The following ZKSCAN7 variants were observed in gnomAD, a reference collection of about 807,000 sequenced individuals.
ZKSCAN7 encodes zinc finger with KRAB and SCAN domains 7.
Under a neutral mutation model 65.3 loss-of-function variants are expected in ZKSCAN7, and 38 were observed. That is an observed-to-expected ratio of 0.58 (90% CI 0.45 to 0.76). The LOEUF (loss-of-function observed/expected upper bound fraction) is 0.76. Ranked by LOEUF, ZKSCAN7 falls within the 30% of genes least tolerant of loss-of-function variation. The pLI, the probability that ZKSCAN7 is intolerant of heterozygous loss-of-function variation, is 0.00. For missense variants in ZKSCAN7, 815 were observed against 913.3 expected (o/e 0.89, Z 1.39); for synonymous variants, 321 against 321.0 (o/e 1.00, Z 0.00).
At chr3:44,579,354 C>G (rs540569833) in intron 5 of ZKSCAN7, among the ~76,000 whole-genome samples, 5 of 152,322 alleles carry the variant, frequency 3.3e-5, no homozygotes, top group African/African-American at 1.2e-4. Flanking sequence ...CCCACACCGC[C>G]CACCCGCTCC....
At chr3:44,579,913 G>A in intron 5 of ZKSCAN7, 1 of 1,606,772 alleles carries the variant, frequency 6.2e-7, no homozygotes, top group Non-Finnish European at 8.5e-7. Context: ...TGGACCTCCT[G>A]TCCAGTGACT....
Position 44,570,488 on chromosome 3 carries a change from C to T in ZKSCAN7, c.1378C>T (p.Leu460Phe). 6.2e-7 allele frequency: 1 copy of T among 1,614,170 alleles called. No individual in the cohort carries two copies. Among genetic ancestry groups the T allele is most frequent in the Non-Finnish European group, 8.5e-7 (1 of 1,180,024 alleles). The change falls in exon 6 of 6, where the codon CTC (leucine) becomes TTC (phenylalanine). Residue 460 changes from leucine to phenylalanine, a missense_variant. Leu to Phe is a conservative substitution (Grantham distance 22). Transcript: ENST00000426540. ...CTCCCATCTCATTCAACACCAGAGA[C>T]TCCATAATGGGGAGAAACCCTATAA... Reference protein sequence around the residue: ...HSSHLIQHQRLHNGEKPYKCN... With the variant: ...HSSHLIQHQRFHNGEKPYKCN...
At chr3:44,580,546 T>C (rs1700048487) in intron 5 of ZKSCAN7, 1 of 1,613,808 alleles carries the variant, frequency 6.2e-7, no homozygotes, top group Non-Finnish European at 8.5e-7. Context: ...GGCTCCACTT[T>C]CCATTTCTTC....
chr3:44,580,859 C>T, intron 5 of ZKSCAN7: 1 of 1,613,676 alleles, frequency 6.2e-7, no homozygotes, highest in Admixed American at 1.7e-5. Flanking sequence ...CAAAGTCGGT[C>T]CCATCTGGAG....
Position 44,570,686 on chromosome 3 carries a change from A to C in ZKSCAN7, c.1576A>C (p.Asn526His). Residue 526 changes from asparagine to histidine, a missense_variant, in exon 6 of 6, where the codon AAT (asparagine) becomes CAT (histidine). Transcript: ENST00000426540. ...CACTGGTAAGAAACCTTACAAATGC[A>C]ATGAGTGTGGGAGAGCATTCTGTTC... ...LHTGKKPYKC[N>H]ECGRAFCSNR... 1 of 1,614,050 alleles carries C rather than the reference A, an allele frequency of 6.2e-7. No homozygotes were observed. Among genetic ancestry groups the C allele is most frequent in the Non-Finnish European group, 8.5e-7 (1 of 1,179,996 alleles).
chr3:44,580,243 T>A, intron 5 of ZKSCAN7: 12 of 1,613,268 alleles, frequency 7.4e-6, no homozygotes, highest in Non-Finnish European at 1.0e-5. Context: ...AAGTAGCTGC[T>A]CTCCCCCCGG....
In ZKSCAN7 at chr3:44,571,053, C is replaced by G; in HGVS notation, c.1943C>G (p.Ser648Ter). 1 of 1,614,210 alleles carries G rather than the reference C, an allele frequency of 6.2e-7. No homozygotes were observed. The highest frequency in any genetic ancestry group is 8.5e-7 in the Non-Finnish European group (1 of 1,180,046). The change falls in exon 6 of 6, where the codon TCA (serine) becomes TGA (stop). Residue 648 changes from serine to a stop codon, truncating the protein, a stop_gained. Transcript: ENST00000426540. LOFTEE classifies it high-confidence loss of function. ...NECGKSFNQN[S>*]HLIIHQRIHT... is the part of the protein sequence containing the mutation. Reference sequence around the variant, plus strand: ...TGTGGAAAATCCTTCAATCAAAACTCACACCTTATTATACACCAGAGAATT... The same window carrying G: ...TGTGGAAAATCCTTCAATCAAAACTGACACCTTATTATACACCAGAGAATT...
At chr3:44,580,571 G>A (rs902369068) in intron 5 of ZKSCAN7, 14 of 1,613,812 alleles carry the variant, frequency 8.7e-6, no homozygotes, top group African/African-American at 4.0e-5. Context: ...GATTCTGCTT[G>A]TTGGTCCGGG....
chr3:44,581,539 A>G (rs1210351211), intron 5 of ZKSCAN7, among the ~76,000 whole-genome samples: 4 of 152,226 alleles, frequency 2.6e-5, no homozygotes, highest in Admixed American at 2.6e-4. Context: ...TTTTGCACAT[A>G]TTTCTGAAAA....
chr3:44,567,815 G>A (rs1387463203), intron 3 of ZKSCAN7, 97 bp from the exon 4 acceptor site: 1 of 586,398 alleles, frequency 1.7e-6, no homozygotes, highest in Non-Finnish European at 3.1e-6. Context: ...GTGTGTGGAG[G>A]TGCCTGGGTT....
intron 5 of ZKSCAN7, chr3:44,580,429 G>T: frequency 1.9e-6 from 3 of 1,600,418 alleles, no homozygotes; most frequent in Non-Finnish European, 2.6e-6. Context: ...TCCTGCCAGA[G>T]TGTGGACTTG....
rs541251242 is a variant in ZKSCAN7, at chr3:44,561,462, T to A, written c.423+3992T>A. ...GCCCTGGCCCCTCCCAAATCTCATG[T>A]TCTTTTCACATTGCAAAATACAATT... On this transcript the variant is annotated intron_variant, in intron 2 of 5. Transcript: ENST00000426540. Among the ~76,000 whole-genome samples the A allele has an allele frequency of 2.0e-5, 3 of 152,326 alleles. No homozygotes were observed. In the East Asian group the frequency reaches 5.8e-4, roughly 29 times the overall value.
At position 44,567,136 on chromosome 3, in the gene ZKSCAN7, AGAAAGAAAG is replaced by A. The variant is rs1360377470; in HGVS notation, c.593-766_593-758del. Among the ~76,000 whole-genome samples the A allele has an allele frequency of 2.1e-4, 15 of 70,064 alleles. No homozygotes were observed. In the East Asian group the frequency reaches 3.0e-3, roughly 14 times the overall value. 46.0% of individuals were successfully genotyped at this position (70,064 alleles called of 152,430 possible). On this transcript the variant is annotated intron_variant, in intron 3 of 5. Coordinates refer to ENST00000426540, the MANE Select transcript of ZKSCAN7 (RefSeq NM_001288590.2). ...CAAAAAGAGAGAGAGAGAGAGAAAGAGAAAGAAAGGAAAGAAAGAAAGAAAAAGAGAAGA... is the reference window on the plus strand; with the variant it reads ...CAAAAAGAGAGAGAGAGAGAGAAAGAGAAAGAAAGAAAGAAAAAGAGAAGA...
downstream of ZKSCAN7, among the ~76,000 whole-genome samples, chr3:44,575,308 C>G (rs1213470475): frequency 6.6e-6 from 1 of 152,128 alleles, no homozygotes; most frequent in Non-Finnish European, 1.5e-5. Context: ...AAATAATCTG[C>G]ATGTCCACCA....
intron 5 of ZKSCAN7, chr3:44,578,160 A>G (rs2125733486): frequency 6.6e-7 from 1 of 1,520,520 alleles, no homozygotes; most frequent in Non-Finnish European, 9.1e-7. Flanking sequence ...CAACCTGCTG[A>G]TGTCACAGTC....
At chr3:44,572,336 C>T (rs967622309), downstream of ZKSCAN7, among the ~76,000 whole-genome samples, 7 of 142,168 alleles carry the variant, frequency 4.9e-5, no homozygotes, top group African/African-American at 8.1e-5. Context: ...CCTCAAAATG[C>T]GAATGGATTT....
chr3:44,573,941 A>G (rs1178779465), downstream of ZKSCAN7, among the ~76,000 whole-genome samples: 2 of 152,164 alleles, frequency 1.3e-5, no homozygotes, highest in Middle Eastern at 3.2e-3. Flanking sequence ...TGAATGGAGG[A>G]AAATTGGCTG....
chr3:44,565,363 G>A lies in ZKSCAN7; in HGVS notation c.424-124G>A, dbSNP rs561654752. On this transcript the variant is annotated intron_variant, in intron 2 of 5. Transcript: ENST00000426540. ...TCCCCCAGTAGACTGTAGTGGTGGGGCTGGAAGGACACCCTGGCTCTTCTT... is the reference window on the plus strand; with the variant it reads ...TCCCCCAGTAGACTGTAGTGGTGGGACTGGAAGGACACCCTGGCTCTTCTT... 19 of 947,456 alleles carry A rather than the reference G, an allele frequency of 2.0e-5. No individual in the cohort carries two copies. In the South Asian group the frequency reaches 3.6e-4, roughly 18 times the overall value. 58.7% of individuals were successfully genotyped at this position (947,456 alleles called of 1,614,324 possible). A position where few individuals can be genotyped will look rare whatever the true frequency, so the allele number is the denominator to read the frequency against.
chr3:44,565,375 C>T (rs1575365506), intron 2 of ZKSCAN7, 112 bp from the exon 3 acceptor site: 1 of 1,105,972 alleles, frequency 9.0e-7, no homozygotes, highest in East Asian at 2.7e-5. Flanking sequence ...TGGAAGGACA[C>T]CCTGGCTCTT....
Sources: allele counts gnomAD v4.1 joint callset (sites outside exome capture counted in the v4.1 genomes callset), GRCh38; gene constraint gnomAD v4.1.1; transcripts MANE v1.5; gene names NCBI Gene and HGNC (gene_info 2026-07-23, HGNC 2026-07-21).